The following CHSY3 variants were observed in gnomAD, a reference collection of about 807,000 sequenced individuals.
CHSY3 encodes chondroitin sulfate synthase 3.
In CHSY3, 35 loss-of-function variants were observed where a neutral mutation model predicts 67.2. That is an observed-to-expected ratio of 0.52 (90% CI 0.40 to 0.69). The LOEUF (loss-of-function observed/expected upper bound fraction) is 0.69, where lower values mean the gene tolerates loss of function less well. CHSY3 is among the 30% of genes least tolerant of loss of function. The probability of loss-of-function intolerance (pLI) is 0.00; values close to 1 mark genes in which losing one functional copy is unlikely to be tolerated. For synonymous variants in CHSY3, 474 were observed against 434.7 expected, an observed-to-expected ratio of 1.09 and a Z score of -1.12; for missense variants, 1,069 against 1,138.5, an observed-to-expected ratio of 0.94 and a Z score of 0.88.
intron 2 of CHSY3, among the ~76,000 whole-genome samples, chr5:130,153,676 C>A (rs2149725020): frequency 6.6e-6 from 1 of 152,316 alleles, no homozygotes; most frequent in East Asian, 1.9e-4. Context: ...TGGTCTTGAT[C>A]ATCGTGGAGC....
intron 2 of CHSY3, among the ~76,000 whole-genome samples, chr5:130,006,388 A>C (rs1017541471): frequency 6.6e-6 from 1 of 152,184 alleles, no homozygotes; most frequent in Admixed American, 6.5e-5. Context: ...TATGTAGCTC[A>C]TGAATGTCTT....
intron 2 of CHSY3, among the ~76,000 whole-genome samples, chr5:130,123,901 C>CA (rs1400466047): frequency 6.6e-5 from 10 of 150,898 alleles, no homozygotes; most frequent in Admixed American, 2.6e-4. Flanking sequence ...ACTAAAAATA[C>CA]AAAAAAAATT....
At chr5:130,046,568 A>T (rs1765156380) in intron 2 of CHSY3, among the ~76,000 whole-genome samples, 1 of 152,122 alleles carries the variant, frequency 6.6e-6, no homozygotes, top group African/African-American at 2.4e-5. Context: ...AGACAATATC[A>T]AATATCACAT....
chr5:129,915,673 T>C (rs1294188056), intron 2 of CHSY3, among the ~76,000 whole-genome samples: 1 of 152,200 alleles, frequency 6.6e-6, no homozygotes, highest in Admixed American at 6.5e-5. Flanking sequence ...TTTGTTTATT[T>C]GTAGAGTTTC....
chr5:130,040,443 T>C (rs1764977000), intron 2 of CHSY3, among the ~76,000 whole-genome samples: 1 of 152,136 alleles, frequency 6.6e-6, no homozygotes, highest in African/African-American at 2.4e-5. Context: ...TGTAATAATA[T>C]GTATTTGAGA....
At chr5:129,956,845 C>A (rs1481208372) in intron 2 of CHSY3, among the ~76,000 whole-genome samples, 1 of 151,990 alleles carries the variant, frequency 6.6e-6, no homozygotes, top group Non-Finnish European at 1.5e-5. Flanking sequence ...GTACCAGTAC[C>A]ATGCTGTTTT....
chr5:130,144,325 C>G (rs1580778481), intron 2 of CHSY3, among the ~76,000 whole-genome samples: 1 of 151,956 alleles, frequency 6.6e-6, no homozygotes, highest in Non-Finnish European at 1.5e-5. Context: ...TGGTTATTTG[C>G]TGGATACAAA....
intron 2 of CHSY3, among the ~76,000 whole-genome samples, chr5:130,113,210 G>C (rs962421589): frequency 6.6e-6 from 1 of 152,032 alleles, no homozygotes; most frequent in South Asian, 2.1e-4. Flanking sequence ...TAACAAGGAA[G>C]ATAACAAATG....
intron 2 of CHSY3, among the ~76,000 whole-genome samples, chr5:129,965,118 A>T (rs971823357): frequency 6.6e-6 from 1 of 151,900 alleles, no homozygotes; most frequent in Non-Finnish European, 1.5e-5. Flanking sequence ...TTTTCCTTCC[A>T]GGGGGAAGAG....
At chr5:130,048,050 A>T (rs1765208637) in intron 2 of CHSY3, among the ~76,000 whole-genome samples, 2 of 147,760 alleles carry the variant, frequency 1.4e-5, no homozygotes. Flanking sequence ...GAAAAGTTTT[A>T]AAAAACGGGA....
At chr5:129,927,894 A>T (rs1238026412) in intron 2 of CHSY3, among the ~76,000 whole-genome samples, 1 of 151,532 alleles carries the variant, frequency 6.6e-6, no homozygotes, top group Non-Finnish European at 1.5e-5. Flanking sequence ...TGTGTGTGTG[A>T]GTTTATAGGA....
At chr5:129,936,468 C>T (rs1010409484) in intron 2 of CHSY3, among the ~76,000 whole-genome samples, 1 of 152,034 alleles carries the variant, frequency 6.6e-6, no homozygotes, top group Non-Finnish European at 1.5e-5. Context: ...ACTCACCAGA[C>T]CTTAGTCACC....
chr5:129,942,081 A>G (rs1208581905), intron 2 of CHSY3, among the ~76,000 whole-genome samples: 1 of 152,140 alleles, frequency 6.6e-6, no homozygotes, highest in Non-Finnish European at 1.5e-5. Context: ...CCCCCAGGGT[A>G]TAGGGCAGGA....
chr5:130,089,274 A>G (rs911024913), intron 2 of CHSY3, among the ~76,000 whole-genome samples: 2 of 150,392 alleles, frequency 1.3e-5, no homozygotes, highest in African/African-American at 4.9e-5. Context: ...CTAATGCTAA[A>G]TGACGAGTTA....
chr5:130,026,128 T>G (rs981556096), intron 2 of CHSY3, among the ~76,000 whole-genome samples: 2 of 152,138 alleles, frequency 1.3e-5, no homozygotes, highest in Non-Finnish European at 2.9e-5. Flanking sequence ...AGTTACTTGT[T>G]TGTATATATT....
chr5:129,958,985 T>G (rs909094763), intron 2 of CHSY3, among the ~76,000 whole-genome samples: 3 of 152,154 alleles, frequency 2.0e-5, no homozygotes, highest in African/African-American at 7.2e-5. Context: ...GACATATTAA[T>G]CTAGTTTGTT....
At chr5:130,170,929 T>C (rs1769880016) in intron 2 of CHSY3, among the ~76,000 whole-genome samples, 2 of 152,136 alleles carry the variant, frequency 1.3e-5, no homozygotes, top group Admixed American at 6.6e-5. Context: ...ACTTCCCTTT[T>C]TCTATTGTTA....
chr5:130,025,934 G>A (rs1764529497), intron 2 of CHSY3, among the ~76,000 whole-genome samples: 1 of 152,104 alleles, frequency 6.6e-6, no homozygotes, highest in South Asian at 2.1e-4. Flanking sequence ...CATTGAGAAT[G>A]GATTGAAAGG....
intron 2 of CHSY3, among the ~76,000 whole-genome samples, chr5:130,089,263 C>G (rs986750209): frequency 6.7e-6 from 1 of 149,414 alleles, no homozygotes; most frequent in South Asian, 2.2e-4. Flanking sequence ...AGGAGATATA[C>G]CTAATGCTAA....
Sources: gnomAD v4.1 joint callset for allele counts (sites outside exome capture counted in the v4.1 genomes callset) on GRCh38, gnomAD v4.1.1 for gene constraint, MANE v1.5 for transcripts, NCBI Gene and HGNC (gene_info 2026-07-23, HGNC 2026-07-21) for gene names.